The following GRK5 variants were observed in gnomAD, a reference collection of about 807,000 sequenced individuals.
The protein encoded by GRK5 is G protein-coupled receptor kinase 5.
GRK5 carries 40 observed loss-of-function variants against 78.4 expected under a neutral mutation model. The observed-to-expected ratio is 0.51, with a 90% CI of 0.40 to 0.66. The LOEUF (loss-of-function observed/expected upper bound fraction) is 0.66. Ranked by LOEUF, GRK5 falls within the 30% of genes least tolerant of loss-of-function variation. The probability of loss-of-function intolerance (pLI) is 0.00; values close to 1 mark genes in which losing one functional copy is unlikely to be tolerated. For synonymous variants in GRK5, 289 were observed against 296.8 expected (o/e 0.97, Z 0.27); for missense variants, 598 against 759.9 (o/e 0.79, Z 2.50).
intron 1 of GRK5, among the ~76,000 whole-genome samples, chr10:119,323,570 G>C (rs1850622994): frequency 6.6e-6 from 1 of 152,194 alleles, no homozygotes; most frequent in Admixed American, 6.5e-5. Context: ...GATGAGGATT[G>C]GCTTGTCTGG....
intron 2 of GRK5, among the ~76,000 whole-genome samples, chr10:119,370,412 G>A (rs542684664): frequency 6.6e-6 from 1 of 152,354 alleles, no homozygotes. Flanking sequence ...AGCCCAGAAC[G>A]AGAGGGACGA....
chr10:119,409,067 G>A (rs1047777971), intron 4 of GRK5, among the ~76,000 whole-genome samples: 60 of 152,178 alleles, frequency 3.9e-4, no homozygotes, highest in African/African-American at 1.2e-3. Flanking sequence ...AGGCGGTGTC[G>A]GGCTGACGTC....
intron 2 of GRK5, among the ~76,000 whole-genome samples, chr10:119,331,137 C>T (rs58149770): frequency 0.069 from 10,458 of 152,212 alleles, 932 homozygotes; most frequent in African/African-American, 0.21. Context: ...CCCCCCGCCG[C>T]GACCATGGGC....
intron 2 of GRK5, among the ~76,000 whole-genome samples, chr10:119,348,474 C>T (rs1171024378): frequency 6.6e-6 from 1 of 152,180 alleles, no homozygotes; most frequent in East Asian, 1.9e-4. Context: ...CAGGTCTGAG[C>T]CTTGTTCCTC....
intron 3 of GRK5, among the ~76,000 whole-genome samples, chr10:119,385,251 G>A (rs1851775704): frequency 6.8e-6 from 1 of 146,250 alleles, no homozygotes; most frequent in Non-Finnish European, 1.5e-5. Flanking sequence ...TCTGACTTGG[G>A]GTTTTATTTT....
intron 6 of GRK5, among the ~76,000 whole-genome samples, chr10:119,429,640 C>T (rs1589805890): frequency 1.3e-5 from 2 of 151,530 alleles, no homozygotes; most frequent in Non-Finnish European, 2.9e-5. Flanking sequence ...CTCATTAAAA[C>T]GAGGAGTTGG....
chr10:119,260,433 T>C (rs1389431227), intron 1 of GRK5, among the ~76,000 whole-genome samples: 1 of 150,366 alleles, frequency 6.7e-6, no homozygotes, highest in African/African-American at 2.4e-5. Flanking sequence ...TTATTGATCA[T>C]TCTTGGGTGT....
At chr10:119,310,194 C>T (rs1850336168) in intron 1 of GRK5, among the ~76,000 whole-genome samples, 1 of 152,178 alleles carries the variant, frequency 6.6e-6, no homozygotes, top group Non-Finnish European at 1.5e-5. Flanking sequence ...GTAATTAGTA[C>T]TCACAGGAAA....
chr10:119,222,788 C>CGTGTCCT (rs1422101246), intron 1 of GRK5, among the ~76,000 whole-genome samples: 3 of 152,230 alleles, frequency 2.0e-5, no homozygotes, highest in African/African-American at 4.8e-5. Flanking sequence ...CTACGGGCTC[C>CGTGTCCT]GTGTCCTGTC....
chr10:119,247,115 C>A (rs536143773), intron 1 of GRK5, among the ~76,000 whole-genome samples: 1 of 152,138 alleles, frequency 6.6e-6, no homozygotes, highest in Non-Finnish European at 1.5e-5. Context: ...GAGTGACTGT[C>A]CGTCCTAGGG....
At chr10:119,243,337 T>G (rs1849055415) in intron 1 of GRK5, among the ~76,000 whole-genome samples, 1 of 152,208 alleles carries the variant, frequency 6.6e-6, no homozygotes, top group Admixed American at 6.5e-5. Flanking sequence ...TGATGGGTTA[T>G]GTACCTATTA....
At chr10:119,337,569 C>A (rs1198805325) in intron 2 of GRK5, among the ~76,000 whole-genome samples, 1 of 152,208 alleles carries the variant, frequency 6.6e-6, no homozygotes, top group African/African-American at 2.4e-5. Context: ...TCTTCACCTT[C>A]ACTCGGTCTT....
At chr10:119,408,920 G>A (rs370138716) in intron 4 of GRK5, among the ~76,000 whole-genome samples, 4 of 152,246 alleles carry the variant, frequency 2.6e-5, no homozygotes, top group African/African-American at 4.8e-5. Flanking sequence ...TGGCCTGTCC[G>A]ATGCTGGAGC....
In GRK5 at chr10:119,394,471, ATG is replaced by A. The variant is rs1327991710; in HGVS notation, c.262-2217_262-2216del. On this transcript the variant is annotated intron_variant, in intron 3 of 15. Coordinates refer to ENST00000392870, the MANE Select transcript of GRK5 (RefSeq NM_005308.3). ...ATCTGCTTAGTGGGCACGTGTGTGG[ATG>A]TGTGTGGGTGTGTGTATCTGCGTGT... 8.8e-4 allele frequency among the ~76,000 whole-genome samples: 38 copies of A among 43,244 alleles called. 3 individuals are homozygous for A. Among genetic ancestry groups the A allele is most frequent in the African/African-American group, 2.6e-3 (24 of 9,370 alleles). 28.4% of individuals were successfully genotyped at this position (43,244 alleles called of 152,430 possible).
intron 1 of GRK5, among the ~76,000 whole-genome samples, chr10:119,212,072 G>A (rs1354466599): frequency 6.6e-6 from 1 of 152,092 alleles, no homozygotes; most frequent in Admixed American, 6.5e-5. Flanking sequence ...CCAAGCGACA[G>A]CTTTCATCCT....
At chr10:119,278,029 A>G (rs1849697293) in intron 1 of GRK5, among the ~76,000 whole-genome samples, 1 of 152,220 alleles carries the variant, frequency 6.6e-6, no homozygotes, top group African/African-American at 2.4e-5. Flanking sequence ...CTCTCTATGG[A>G]CAGAGATTTC....
chr10:119,355,281 G>A (rs902645066), intron 2 of GRK5, among the ~76,000 whole-genome samples: 5 of 152,166 alleles, frequency 3.3e-5, no homozygotes, highest in African/African-American at 1.2e-4. Flanking sequence ...TTCATCTGTT[G>A]ATGAACACTT....
chr10:119,247,762 G>A (rs1380041918), intron 1 of GRK5, among the ~76,000 whole-genome samples: 1 of 152,216 alleles, frequency 6.6e-6, no homozygotes, highest in African/African-American at 2.4e-5. Context: ...CTCAAAGTGT[G>A]TTGGCAAGTG....
chr10:119,451,812 G>A (rs1222255157), intron 13 of GRK5, among the ~76,000 whole-genome samples: 1 of 152,240 alleles, frequency 6.6e-6, no homozygotes, highest in Non-Finnish European at 1.5e-5. Context: ...GCATGGCGGA[G>A]CCCATGCTGA....
Sources: gnomAD v4.1 joint callset for allele counts (sites outside exome capture counted in the v4.1 genomes callset) on GRCh38, gnomAD v4.1.1 for gene constraint, MANE v1.5 for transcripts, NCBI Gene and HGNC (gene_info 2026-07-23, HGNC 2026-07-21) for gene names.